Variants in MTMR2 observed in about 807,000 individuals in gnomAD.
MTMR2 encodes phosphatidylinositol-3,5-bisphosphate 3-phosphatase MTMR2.
A neutral mutation model predicts 86.9 loss-of-function variants in MTMR2; 55 were observed. The ratio of observed to expected loss-of-function variants is 0.63; its 90% CI spans 0.51 to 0.79. The LOEUF is 0.79. MTMR2 is among the 30% of genes least tolerant of loss of function. The probability of loss-of-function intolerance (pLI) is 0.00; values close to 1 mark genes in which losing one functional copy is unlikely to be tolerated. For synonymous variants in MTMR2, 241 were observed against 266.8 expected, an observed-to-expected ratio of 0.90 and a Z score of 0.94; for missense variants, 659 against 772.3, an observed-to-expected ratio of 0.85 and a Z score of 1.74.
chr11:95,888,379 G>T, intron 1 of MTMR2, 118 bp from the exon 2 acceptor site: 1 of 717,014 alleles, frequency 1.4e-6, no homozygotes, highest in Non-Finnish European at 2.4e-6. Flanking sequence ...ACTAAGTTCT[G>T]CTTTGCCTAT....
intron 1 of MTMR2, among the ~76,000 whole-genome samples, chr11:95,892,917 C>T (rs768028128): frequency 1.8e-4 from 27 of 152,156 alleles, no homozygotes; most frequent in Non-Finnish European, 3.5e-4. Flanking sequence ...AGACTCTTTT[C>T]TTTTCCCACA....
intron 10 of MTMR2, 91 bp downstream of exon 10, chr11:95,847,623 C>T (rs1410036458): frequency 1.1e-5 from 13 of 1,157,586 alleles, no homozygotes; most frequent in Admixed American, 3.4e-5. Flanking sequence ...TAGAAAGGTA[C>T]CTTCATGTTG....
At chr11:95,858,087 C>G in intron 6 of MTMR2, among the ~76,000 whole-genome samples, 1 of 152,144 alleles carries the variant, frequency 6.6e-6, no homozygotes, top group East Asian at 1.9e-4. Context: ...TAAATAATAT[C>G]TACCACCATA....
At position 95,909,585 on chromosome 11, in the gene MTMR2, A is replaced by C. The variant is rs554898780; in HGVS notation, c.80+14290T>G. ...TCTTCCACCTCTAACTAAAGGCCTC[A>C]GCCATCTTCCCTCCTGTCCTCTCTA... On this transcript the variant is annotated intron_variant, in intron 1 of 14. Transcript: ENST00000346299. Among the ~76,000 whole-genome samples, 3 of 152,268 alleles carry C rather than the reference A, an allele frequency of 2.0e-5. No individual in the cohort carries two copies. The East Asian group carries it at 5.8e-4, about 29-fold the overall frequency.
chr11:95,868,303 A>AAAAAAAG (rs1565362661), intron 2 of MTMR2, among the ~76,000 whole-genome samples: 1 of 68,352 alleles, frequency 1.5e-5, no homozygotes, highest in Non-Finnish European at 4.4e-5. Flanking sequence ...AAAAAAAAAG[A>AAAAAAAG]AAGAAAAAGA....
At chr11:95,883,771 T>C (rs947596625) in intron 2 of MTMR2, among the ~76,000 whole-genome samples, 41 of 152,238 alleles carry the variant, frequency 2.7e-4, no homozygotes, top group African/African-American at 8.2e-4. Context: ...CAAATCTTGT[T>C]TGAATACAAA....
At chr11:95,840,969 T>G (rs552170858) in intron 12 of MTMR2, among the ~76,000 whole-genome samples, 1 of 152,278 alleles carries the variant, frequency 6.6e-6, no homozygotes, top group East Asian at 1.9e-4. Context: ...TTAAATCATA[T>G]TTTTAAGACA....
chr11:95,838,906 T>G (rs1863416383), intron 12 of MTMR2, among the ~76,000 whole-genome samples: 1 of 152,026 alleles, frequency 6.6e-6, no homozygotes, highest in Admixed American at 6.6e-5. Context: ...CCCCTGAAAG[T>G]TAGAAGGTTT....
intron 1 of MTMR2, among the ~76,000 whole-genome samples, chr11:95,916,806 A>G (rs1565390913): frequency 5.9e-5 from 9 of 152,194 alleles, no homozygotes; most frequent in Admixed American, 3.9e-4. Context: ...ATTCACACAA[A>G]GTAAGAGTCT....
chr11:95,909,333 C>T (rs960060314), intron 1 of MTMR2, among the ~76,000 whole-genome samples: 1 of 152,032 alleles, frequency 6.6e-6, no homozygotes, highest in African/African-American at 2.4e-5. Flanking sequence ...TTTTTAGTTA[C>T]AAATATTCCT....
chr11:95,875,814 T>C (rs1420871632), intron 2 of MTMR2, among the ~76,000 whole-genome samples: 2 of 152,198 alleles, frequency 1.3e-5, no homozygotes, highest in Non-Finnish European at 2.9e-5. Flanking sequence ...GTTTTCCTTC[T>C]AACAGTCAGG....
intron 11 of MTMR2, among the ~76,000 whole-genome samples, chr11:95,844,530 G>A (rs1863689287): frequency 6.6e-6 from 1 of 152,066 alleles, no homozygotes; most frequent in African/African-American, 2.4e-5. Flanking sequence ...TGGGATCTGG[G>A]AACCAAGCCC....
chr11:95,856,068 T>G (rs1334826171), intron 7 of MTMR2, among the ~76,000 whole-genome samples: 1 of 152,212 alleles, frequency 6.6e-6, no homozygotes, highest in Admixed American at 6.5e-5. Context: ...CTCCAAAATA[T>G]ATTAATGAAG....
chr11:95,883,188 T>A (rs1865397722), intron 2 of MTMR2, among the ~76,000 whole-genome samples: 1 of 152,196 alleles, frequency 6.6e-6, no homozygotes, highest in Non-Finnish European at 1.5e-5. Flanking sequence ...CATACTTTAA[T>A]TAAAACCCAG....
In MTMR2 at chr11:95,864,446, C is replaced by T. The variant is rs1864534282; in HGVS notation, c.262+1155G>A. ...TCAGAATAAGAAAAAGAAATTGTCA[C>T]AATGCTAGATATAACCTTATTAGCT... On this transcript the variant is annotated intron_variant, in intron 3 of 14. Transcript: ENST00000346299. Among the ~76,000 whole-genome samples, 5 of 152,252 alleles carry T rather than the reference C, an allele frequency of 3.3e-5. No individual in the cohort carries two copies. In the South Asian group the frequency reaches 1.0e-3, roughly 32 times the overall value.
chr11:95,873,869 GAGC>G (rs1415147936), intron 2 of MTMR2, among the ~76,000 whole-genome samples: 1 of 152,136 alleles, frequency 6.6e-6, no homozygotes, highest in Non-Finnish European at 1.5e-5. Flanking sequence ...AGTCATTCAG[GAGC>G]AGGTTGTTCA....
In MTMR2 at chr11:95,847,902, G is replaced by A. The variant is rs1251143488; in HGVS notation, c.994-3C>T. On this transcript the variant is annotated splice_polypyrimidine_tract_variant and splice_region_variant and intron_variant, in intron 9 of 14. Transcript: ENST00000346299. ...CTTTCATAACCTCCACCCTTTGCCT[G>A]GAAAAAAGCACACATCATGGAAAAT... 1.3e-6 allele frequency: 2 copies of A among 1,596,716 alleles called. No homozygotes were observed. Among genetic ancestry groups the A allele is most frequent in the African/African-American group, 2.7e-5 (2 of 74,814 alleles).
chr11:95,840,652 C>T (rs1388676644), intron 12 of MTMR2, among the ~76,000 whole-genome samples: 1 of 151,972 alleles, frequency 6.6e-6, no homozygotes, highest in Non-Finnish European at 1.5e-5. Flanking sequence ...AAATAATTCA[C>T]CCAAGTAGAA....
chr11:95,841,795 A>G (rs1427798406), intron 11 of MTMR2, 86 bp from the exon 12 acceptor site: 2 of 1,130,406 alleles, frequency 1.8e-6, no homozygotes, highest in Non-Finnish European at 2.7e-6. Flanking sequence ...TAATTGGTCA[A>G]TAGTCTAAAA....
Sources: gnomAD v4.1 joint callset for allele counts (sites outside exome capture counted in the v4.1 genomes callset) on GRCh38, gnomAD v4.1.1 for gene constraint, MANE v1.5 for transcripts, NCBI Gene and HGNC (gene_info 2026-07-23, HGNC 2026-07-21) for gene names.